Variants in CCDC85C observed in about 807,000 individuals in gnomAD.
CCDC85C encodes coiled-coil domain-containing protein 85C.
Under a neutral mutation model 38.3 loss-of-function variants are expected in CCDC85C, and 18 were observed. The observed-to-expected ratio is 0.47, with a 90% CI of 0.33 to 0.70. The LOEUF (loss-of-function observed/expected upper bound fraction) is 0.70, where lower values mean the gene tolerates loss of function less well. Among genes scored for constraint, CCDC85C ranks in the 30% least tolerant of loss-of-function variants. The pLI is 0.03. For synonymous variants in CCDC85C, 264 were observed against 293.8 expected (o/e 0.90, Z 1.04); for missense variants, 566 against 621.2 (o/e 0.91, Z 0.94).
At chr14:99,577,326 C>G (rs1437581940) in intron 1 of CCDC85C, among the ~76,000 whole-genome samples, 1 of 147,882 alleles carries the variant, frequency 6.8e-6, no homozygotes, top group Non-Finnish European at 1.5e-5. Context: ...CTGAGGAGAC[C>G]GAGGCTCAGA....
chr14:99,556,016 G>A (rs1256665406), intron 1 of CCDC85C, among the ~76,000 whole-genome samples: 1 of 152,222 alleles, frequency 6.6e-6, no homozygotes, highest in African/African-American at 2.4e-5. Context: ...GAACCGGTCT[G>A]TACTGTCAAT....
chr14:99,575,298 G>A lies in CCDC85C; in HGVS notation c.793+27869C>T, dbSNP rs1486131701. Among the ~76,000 whole-genome samples the A allele has an allele frequency of 2.6e-5, 4 of 152,204 alleles. No homozygotes were observed. In the East Asian group the frequency reaches 7.7e-4, roughly 29 times the overall value. ...CCAAGGCCCTCAGGAACCTGGGAGA[G>A]GCCCCATGACTCATGAGCGTGGCTC... On this transcript the variant is annotated intron_variant, in intron 1 of 5. Coordinates refer to ENST00000380243, the MANE Select transcript of CCDC85C (RefSeq NM_001144995.2).
chr14:99,503,730 T>G lies in CCDC85C; in HGVS notation c.*11516A>C. On this transcript the variant is annotated 3_prime_UTR_variant, in exon 6 of 6. Transcript: ENST00000380243. ...TTAGCCAACATTGTTTCTTTTCAGA[T>G]CTAAATTGGCCTTAAATCTTAACTT... The G allele has an allele frequency of 8.2e-7, 1 of 1,213,426 alleles. No homozygotes were observed. The highest frequency in any genetic ancestry group is 2.6e-5 in the East Asian group (1 of 39,126). The allele number at this position is 1,213,426 out of a possible 1,614,324, so 75.2% of individuals were successfully genotyped here. A position where few individuals can be genotyped will look rare whatever the true frequency, so the allele number is the denominator to read the frequency against.
chr14:99,503,472 G>A lies in CCDC85C; in HGVS notation c.*11774C>T, dbSNP rs1426060908. 10 of 683,470 alleles carry A rather than the reference G, an allele frequency of 1.5e-5. No individual in the cohort carries two copies. Among genetic ancestry groups the A allele is most frequent in the Non-Finnish European group, 2.5e-5 (10 of 395,026 alleles). 42.3% of individuals were successfully genotyped at this position (683,470 alleles called of 1,614,324 possible). A position where few individuals can be genotyped will look rare whatever the true frequency, so the allele number is the denominator to read the frequency against. Reference sequence around the variant, plus strand: ...GTAGGTGCCGTGGTTTGCCCTGAAAGTTCAGGCTAGAAATAATTTTTGTCC... The same window carrying A: ...GTAGGTGCCGTGGTTTGCCCTGAAAATTCAGGCTAGAAATAATTTTTGTCC... On this transcript the variant is annotated 3_prime_UTR_variant, in exon 6 of 6. Coordinates refer to ENST00000380243, the MANE Select transcript of CCDC85C (RefSeq NM_001144995.2).
chr14:99,509,719 C>G lies in CCDC85C; in HGVS notation c.*5527G>C. 5.2e-6 allele frequency: 1 copy of G among 191,074 alleles called. No homozygotes were observed. The highest frequency in any genetic ancestry group is 1.2e-4 in the South Asian group (1 of 8,020). The allele number at this position is 191,074 out of a possible 1,614,324, so 11.8% of individuals were successfully genotyped here. A position where few individuals can be genotyped will look rare whatever the true frequency, so the allele number is the denominator to read the frequency against. ...GAATTGTTTTAAGTGCCATCACATTCATTTGACTAACTCTGAGGTTTTCTG... is the reference window on the plus strand; with the variant it reads ...GAATTGTTTTAAGTGCCATCACATTGATTTGACTAACTCTGAGGTTTTCTG... On this transcript the variant is annotated 3_prime_UTR_variant, in exon 6 of 6. Transcript: ENST00000380243.
intron 2 of CCDC85C, among the ~76,000 whole-genome samples, chr14:99,530,666 T>C (rs1189809851): frequency 6.6e-6 from 1 of 152,210 alleles, no homozygotes; most frequent in Non-Finnish European, 1.5e-5. Context: ...AGAGGGCACA[T>C]GGTCAGCCAG....
intron 2 of CCDC85C, among the ~76,000 whole-genome samples, chr14:99,529,871 G>A (rs1244716487): frequency 2.6e-5 from 4 of 152,182 alleles, no homozygotes; most frequent in Non-Finnish European, 4.4e-5. Context: ...TGGTTAACCC[G>A]CCACCCTTAC....
chr14:99,502,603 G>A lies in CCDC85C; in HGVS notation c.*12643C>T, dbSNP rs917100651. On this transcript the variant is annotated 3_prime_UTR_variant, in exon 6 of 6. Transcript: ENST00000380243. ...GCACACAACGAAGATGGGGTGAGTT[G>A]TAAATGTGATTCATGCTTAGGTCCT... 8.1e-7 allele frequency: 1 copy of A among 1,231,884 alleles called. No individual in the cohort carries two copies. Among genetic ancestry groups the A allele is most frequent in the Non-Finnish European group, 1.1e-6 (1 of 876,834 alleles). 76.3% of individuals were successfully genotyped at this position (1,231,884 alleles called of 1,614,324 possible). A position where few individuals can be genotyped will look rare whatever the true frequency, so the allele number is the denominator to read the frequency against.
Position 99,500,960 on chromosome 14 carries a change from G to A in CCDC85C, c.*14286C>T. On this transcript the variant is annotated 3_prime_UTR_variant, in exon 6 of 6. Coordinates refer to ENST00000380243, the MANE Select transcript of CCDC85C (RefSeq NM_001144995.2). The stretch of plus-strand genomic sequence containing the variant: ...ACTCAAATTACGCTTCTCAAAAGCG[G>A]AAAACAAAGTTTGATGTGTGAAATA... The A allele has an allele frequency of 1.2e-6, 1 of 834,408 alleles. No individual in the cohort carries two copies. The highest frequency in any genetic ancestry group is 1.9e-6 in the Non-Finnish European group (1 of 517,574). The allele number at this position is 834,408 out of a possible 1,614,324, so 51.7% of individuals were successfully genotyped here. A position where few individuals can be genotyped will look rare whatever the true frequency, so the allele number is the denominator to read the frequency against.
rs1343777102 is a variant in CCDC85C at position 99,558,182 on chromosome 14, G to A, written c.794-22094C>T. Among the ~76,000 whole-genome samples, 2 of 152,190 alleles carry A rather than the reference G, an allele frequency of 1.3e-5. No individual in the cohort carries two copies. The highest frequency in any genetic ancestry group is 2.9e-5 in the Non-Finnish European group (2 of 68,036). On this transcript the variant is annotated intron_variant, in intron 1 of 5. Transcript: ENST00000380243. The surrounding 1 kb of genome is among the most constrained non-coding windows in gnomAD (Gnocchi z 4.2). ...GACTGATGGCAGAGAACTCAGCCGT[G>A]TGAAAGCCACTGGCCTTCATCATCT...
At position 99,533,792 on chromosome 14, in the gene CCDC85C, G is replaced by A. The variant is rs1221655203; in HGVS notation, c.867+2223C>T. On this transcript the variant is annotated intron_variant, in intron 2 of 5. Coordinates refer to ENST00000380243, the MANE Select transcript of CCDC85C (RefSeq NM_001144995.2). The surrounding 1 kb of genome is among the most constrained non-coding windows in gnomAD (Gnocchi z 4.2). ...CATCTACCTCCACCTGTGCACAGGT[G>A]GGTGCAGGGCAGGTGGACACAGGTT... Among the ~76,000 whole-genome samples the A allele has an allele frequency of 6.6e-6, 1 of 152,238 alleles. No individual in the cohort carries two copies. Among genetic ancestry groups the A allele is most frequent in the Non-Finnish European group, 1.5e-5 (1 of 68,036 alleles).
At position 99,510,896 on chromosome 14, in the gene CCDC85C, T is replaced by A; in HGVS notation, c.*4350A>T. 1.1e-6 allele frequency: 1 copy of A among 907,424 alleles called. No homozygotes were observed. The highest frequency in any genetic ancestry group is 1.5e-6 in the Non-Finnish European group (1 of 673,186). 56.2% of individuals were successfully genotyped at this position (907,424 alleles called of 1,614,324 possible). ...TGTATAATGCACGACAGTTGCAGTATGGGAAGAATGGACCGGGCCCCTGGG... is the reference window on the plus strand; with the variant it reads ...TGTATAATGCACGACAGTTGCAGTAAGGGAAGAATGGACCGGGCCCCTGGG... On this transcript the variant is annotated 3_prime_UTR_variant, in exon 6 of 6. Coordinates refer to ENST00000380243, the MANE Select transcript of CCDC85C (RefSeq NM_001144995.2).
intron 1 of CCDC85C, among the ~76,000 whole-genome samples, chr14:99,599,099 C>T (rs578238262): frequency 6.6e-6 from 1 of 152,276 alleles, no homozygotes; most frequent in East Asian, 1.9e-4. Flanking sequence ...ATTAGCCGAG[C>T]TGCTGCACAG....
chr14:99,529,248 C>G (rs1285685032), intron 2 of CCDC85C, among the ~76,000 whole-genome samples: 1 of 152,164 alleles, frequency 6.6e-6, no homozygotes, highest in African/African-American at 2.4e-5. Flanking sequence ...GCAGACCAGT[C>G]TTGTCCACCA....
rs552041171 is a variant in CCDC85C at position 99,576,185 on chromosome 14, A to C, written c.793+26982T>G. Reference sequence around the variant, plus strand: ...CCAAGGCATAAACAGACCACAAGTCAAACTGTGACCTTGGGTGAGGATTTC... The same window carrying C: ...CCAAGGCATAAACAGACCACAAGTCCAACTGTGACCTTGGGTGAGGATTTC... On this transcript the variant is annotated intron_variant, in intron 1 of 5. Transcript: ENST00000380243. The surrounding 1 kb of genome is among the most constrained non-coding windows in gnomAD (Gnocchi z 4.8). 2.0e-5 allele frequency among the ~76,000 whole-genome samples: 3 copies of C among 152,256 alleles called. No individual in the cohort carries two copies. The highest frequency in any genetic ancestry group is 2.9e-5 in the Non-Finnish European group (2 of 68,048).
chr14:99,567,300 A>G (rs1309121190), intron 1 of CCDC85C, among the ~76,000 whole-genome samples: 2 of 152,208 alleles, frequency 1.3e-5, no homozygotes, highest in African/African-American at 4.8e-5. Context: ...GAACAGACCC[A>G]CAGGAACACA....
rs369431524 is a variant in CCDC85C at position 99,512,255 on chromosome 14, G to A, written c.*2991C>T. 5 of 152,210 alleles carry A rather than the reference G, an allele frequency of 3.3e-5. No homozygotes were observed. The highest frequency in any genetic ancestry group is 3.9e-4 in the East Asian group (2 of 5,164). The allele number at this position is 152,210 out of a possible 1,614,324, so 9.4% of individuals were successfully genotyped here. A position where few individuals can be genotyped will look rare whatever the true frequency, so the allele number is the denominator to read the frequency against. Reference sequence around the variant, plus strand: ...CTCTAAACGGCGCCAGGGCAGGAAGGGGTGGCTCCAGGTCTCACTGTGGCA... The same window carrying A: ...CTCTAAACGGCGCCAGGGCAGGAAGAGGTGGCTCCAGGTCTCACTGTGGCA... On this transcript the variant is annotated 3_prime_UTR_variant, in exon 6 of 6. Coordinates refer to ENST00000380243, the MANE Select transcript of CCDC85C (RefSeq NM_001144995.2).
chr14:99,546,108 GC>G (rs1175210700), intron 1 of CCDC85C, among the ~76,000 whole-genome samples: 7 of 152,008 alleles, frequency 4.6e-5, no homozygotes, highest in African/African-American at 1.7e-4. Context: ...CAGGTGCCAA[GC>G]CCCCCGGTAG....
Position 99,603,906 on chromosome 14 carries a change from C to T in CCDC85C, c.54G>A (p.Val18=). Residue 18 remains valine, a synonymous_variant, in exon 1 of 6, where the codon GTG becomes GTA. Transcript: ENST00000380243. The surrounding 1 kb of genome is among the most constrained non-coding windows in gnomAD (Gnocchi z 7.5). ...TCCAGCGCAGCAGCTCCTCGTCCGG[C>T]ACCTGGCTCAGCTCCTCCGACGCCG... is the stretch of plus-strand genomic sequence containing the variant. ...AAAASEELSQ[V]PDEELLRWSK... 1 of 1,481,830 alleles carries T rather than the reference C, an allele frequency of 6.7e-7. No homozygotes were observed. Among genetic ancestry groups the T allele is most frequent in the East Asian group, 2.9e-5 (1 of 34,626 alleles). The allele number at this position is 1,481,830 out of a possible 1,614,324, so 91.8% of individuals were successfully genotyped here.
Sources: gnomAD v4.1 joint callset for allele counts (sites outside exome capture counted in the v4.1 genomes callset) on GRCh38, gnomAD v4.1.1 for gene constraint, Gnocchi (gnomAD v3.1) non-coding constraint, MANE v1.5 for transcripts, NCBI Gene and HGNC (gene_info 2026-07-23, HGNC 2026-07-21) for gene names.